Variants in NDUFA10 observed in about 807,000 individuals in gnomAD.
NDUFA10 encodes the protein NADH dehydrogenase [ubiquinone] 1 alpha subcomplex subunit 10, mitochondrial.
NDUFA10 carries 40 observed loss-of-function variants against 47.8 expected under a neutral mutation model. The observed-to-expected ratio is 0.84, with a 90% CI of 0.65 to 1.09. The LOEUF is 1.09. Among genes scored for constraint, NDUFA10 ranks in the 50% least tolerant of loss-of-function variants. The pLI is 0.00. For synonymous variants in NDUFA10, 183 were observed against 172.2 expected (o/e 1.06, Z -0.49); for missense variants, 413 against 451.1 (o/e 0.92, Z 0.76).
intron 4 of NDUFA10, among the ~76,000 whole-genome samples, chr2:239,903,385 C>T (rs1164653159): frequency 6.6e-6 from 1 of 152,204 alleles, no homozygotes; most frequent in African/African-American, 2.4e-5. Flanking sequence ...GCCTTGGCCA[C>T]CTCAGCCCAG....
chr2:239,943,916 G>A (rs138220836), intron 4 of NDUFA10, among the ~76,000 whole-genome samples: 232 of 152,300 alleles, frequency 1.5e-3, no homozygotes, highest in African/African-American at 5.4e-3. Context: ...AAGGCATGGG[G>A]CAGCGTCTGT....
intron 9 of NDUFA10, chr2:239,982,289 T>C: frequency 6.3e-7 from 1 of 1,582,848 alleles, no homozygotes; most frequent in Non-Finnish European, 8.6e-7. Context: ...TTTCTTTAGT[T>C]ACTTGTCTTT....
chr2:239,953,401 T>C (rs1052498261), downstream of NDUFA10, among the ~76,000 whole-genome samples: 12 of 152,208 alleles, frequency 7.9e-5, no homozygotes, highest in African/African-American at 2.4e-4. Flanking sequence ...AATAGATCTG[T>C]GCTGCTTTAG....
intron 4 of NDUFA10, among the ~76,000 whole-genome samples, chr2:239,915,427 A>ACAG (rs1693846158): frequency 1.3e-5 from 1 of 78,514 alleles, no homozygotes. Flanking sequence ...CACAGACACA[A>ACAG]ATATACAGAC....
chr2:239,979,832 C>G (rs1365235833), intron 9 of NDUFA10, among the ~76,000 whole-genome samples: 1 of 152,122 alleles, frequency 6.6e-6, no homozygotes, highest in Non-Finnish European at 1.5e-5. Context: ...AGCTGCGGAC[C>G]CCGGCTGACC....
At chr2:240,014,980 T>C (rs189659347) in intron 4 of NDUFA10, 120 bp from the exon 5 acceptor site, 9 of 1,397,890 alleles carry the variant, frequency 6.4e-6, no homozygotes, top group African/African-American at 2.9e-5. Context: ...CGTACCAATC[T>C]ACAAACCCTA....
At chr2:240,019,106 C>A (rs975098946) in intron 3 of NDUFA10, among the ~76,000 whole-genome samples, 37 of 152,310 alleles carry the variant, frequency 2.4e-4, no homozygotes, top group Middle Eastern at 3.4e-3. Context: ...CCCAGCCAGC[C>A]TCCTTGCAGT....
At chr2:239,918,198 C>A (rs906917172) in intron 4 of NDUFA10, among the ~76,000 whole-genome samples, 4 of 152,172 alleles carry the variant, frequency 2.6e-5, no homozygotes, top group African/African-American at 9.7e-5. Flanking sequence ...ACCATGCATG[C>A]TCTGGCACAT....
At chr2:239,932,646 C>T (rs903830136) in intron 4 of NDUFA10, among the ~76,000 whole-genome samples, 3 of 151,492 alleles carry the variant, frequency 2.0e-5, no homozygotes, top group African/African-American at 7.3e-5. Flanking sequence ...GTGGTGGGAT[C>T]TCGGCTCACT....
At chr2:239,895,454 G>T (rs575746571) in intron 4 of NDUFA10, 52 of 199,066 alleles carry the variant, frequency 2.6e-4, no homozygotes, top group Non-Finnish European at 7.8e-5. Context: ...ATAGGTTAGG[G>T]GAGAAACTAT....
rs1419770276 is a variant in NDUFA10, at chr2:240,005,274, G to A, written c.826C>T (p.Leu276=). The change falls in exon 8 of 10, where the codon CTG becomes TTG. Residue 276 remains leucine (L), a synonymous_variant. Transcript: ENST00000252711. ...AGCCACGGCCCTTTATCGAACTTCAGGTATTCAATGTCCTCTACCACCTAA... is the reference window on the plus strand; with the variant it reads ...AGCCACGGCCCTTTATCGAACTTCAAGTATTCAATGTCCTCTACCACCTAA... ...SKKVVEDIEY[L]KFDKGPWLKQ... The A allele has an allele frequency of 1.2e-6, 2 of 1,613,892 alleles. No individual in the cohort carries two copies. The highest frequency in any genetic ancestry group is 4.5e-5 in the East Asian group (2 of 44,880).
intron 4 of NDUFA10, among the ~76,000 whole-genome samples, chr2:239,915,052 CACAGACACACACAAATAT>C (rs1197213053): frequency 1.4e-5 from 2 of 142,668 alleles, no homozygotes; most frequent in Non-Finnish European, 3.0e-5. Context: ...CACACACATA[CACAGACACACACAAATAT>C]ACAGACACAC....
intron 4 of NDUFA10, among the ~76,000 whole-genome samples, chr2:239,913,695 G>A (rs560901865): frequency 3.9e-5 from 6 of 152,318 alleles, no homozygotes; most frequent in South Asian, 4.1e-4. Context: ...AGGCTGAACC[G>A]GAAAATTGTA....
At position 240,021,223 on chromosome 2, in the gene NDUFA10, T is replaced by C. The variant is rs531091874; in HGVS notation, c.434A>G (p.Asp145Gly). The change falls in exon 3 of 10, where the codon GAT (aspartate) becomes GGT (glycine). Residue 145 changes from aspartate to glycine, a missense_variant. Asp to Gly is a moderately conservative substitution (Grantham distance 94). Transcript: ENST00000252711. ...TGTGGTCAGCAAGTGCTCCAAGGCA[T>C]CTGAGTACTGCAGCAGGCGACTGCT... is the stretch of plus-strand genomic sequence containing the variant. The part of the protein sequence containing the change: ...LYSSRLLQYS[D>G]ALEHLLTTGQ... 6.2e-7 allele frequency: 1 copy of C among 1,614,178 alleles called. No homozygotes were observed. The highest frequency in any genetic ancestry group is 1.7e-5 in the Admixed American group (1 of 60,032).
chr2:239,911,703 C>A (rs1477610116), intron 4 of NDUFA10, among the ~76,000 whole-genome samples: 1 of 83,832 alleles, frequency 1.2e-5, no homozygotes, highest in African/African-American at 4.3e-5. Context: ...GTGTGTCCTA[C>A]TCCCTGTTGC....
At chr2:239,950,815 C>T (rs539123761) in intron 4 of NDUFA10, among the ~76,000 whole-genome samples, 3 of 152,306 alleles carry the variant, frequency 2.0e-5, no homozygotes, top group Non-Finnish European at 2.9e-5. Flanking sequence ...GTCACAGAAA[C>T]ACCACACAGC....
At chr2:240,015,311 T>G (rs990306582) in intron 4 of NDUFA10, among the ~76,000 whole-genome samples, 1 of 152,262 alleles carries the variant, frequency 6.6e-6, no homozygotes, top group Non-Finnish European at 1.5e-5. Context: ...TTCAGTGATC[T>G]TTGAACTGAA....
At position 239,959,756 on chromosome 2, in the gene NDUFA10, A is replaced by G; in HGVS notation, c.*1362T>C. 1.5e-6 allele frequency: 1 copy of G among 679,574 alleles called. No individual in the cohort carries two copies. Among genetic ancestry groups the G allele is most frequent in the Non-Finnish European group, 1.8e-6 (1 of 554,970 alleles). The allele number at this position is 679,574 out of a possible 1,614,324, so 42.1% of individuals were successfully genotyped here. A position where few individuals can be genotyped will look rare whatever the true frequency, so the allele number is the denominator to read the frequency against. On this transcript the variant is annotated 3_prime_UTR_variant, in exon 10 of 10. Transcript: ENST00000252711. ...GGAAGGAAGAGAAGGAGGGAAGGAAAGAGGCAGGGAGGAAGGGAAGGGAGG... is the reference window on the plus strand; with the variant it reads ...GGAAGGAAGAGAAGGAGGGAAGGAAGGAGGCAGGGAGGAAGGGAAGGGAGG...
intron 4 of NDUFA10, among the ~76,000 whole-genome samples, chr2:239,897,402 T>C (rs1441269771): frequency 1.3e-5 from 2 of 149,868 alleles, no homozygotes; most frequent in Non-Finnish European, 3.0e-5. Context: ...TCATACTTTT[T>C]CTTGAAGTGA....
Sources: gnomAD v4.1 joint callset for allele counts (sites outside exome capture counted in the v4.1 genomes callset) on GRCh38, gnomAD v4.1.1 for gene constraint, MANE v1.5 for transcripts, NCBI Gene and HGNC (gene_info 2026-07-23, HGNC 2026-07-21) for gene names.